The following SPAG16 variants were observed in gnomAD, a reference collection of about 807,000 sequenced individuals.
The protein encoded by SPAG16 is sperm associated antigen 16.
SPAG16 carries 86 observed loss-of-function variants against 80.4 expected under a neutral mutation model. The observed-to-expected ratio is 1.07, with a 90% CI of 0.90 to 1.28. The LOEUF is 1.28. SPAG16 is among the 50% of genes most tolerant of loss of function. The probability of loss-of-function intolerance (pLI) is 0.00; values close to 1 mark genes in which losing one functional copy is unlikely to be tolerated. For missense variants in SPAG16, 870 were observed against 765.3 expected, an observed-to-expected ratio of 1.14 and a Z score of -1.61; for synonymous variants, 294 against 265.9, an observed-to-expected ratio of 1.11 and a Z score of -1.03.
At chr2:213,421,892 G>A (rs2125440499) in intron 9 of SPAG16, among the ~76,000 whole-genome samples, 1 of 152,252 alleles carries the variant, frequency 6.6e-6, no homozygotes, top group East Asian at 1.9e-4. Flanking sequence ...TCTCTGTGGA[G>A]GGCTGGAAAC....
intron 10 of SPAG16, among the ~76,000 whole-genome samples, chr2:213,585,194 A>C (rs2060426780): frequency 6.6e-6 from 1 of 152,012 alleles, no homozygotes; most frequent in Admixed American, 6.6e-5. Context: ...CATCTCAAAA[A>C]AAAAAAAAAA....
chr2:213,327,570 TTAAAG>T (rs1303073077), intron 5 of SPAG16, among the ~76,000 whole-genome samples: 5 of 152,162 alleles, frequency 3.3e-5, no homozygotes, highest in African/African-American at 1.2e-4. Flanking sequence ...GCGTTATTTC[TTAAAG>T]TATTTTTAAC....
chr2:214,081,215 A>G (rs1289099445), intron 13 of SPAG16, among the ~76,000 whole-genome samples: 1 of 152,114 alleles, frequency 6.6e-6, no homozygotes, highest in Non-Finnish European at 1.5e-5. Context: ...ACATACTTCC[A>G]GAAGTAGGAT....
chr2:213,951,770 G>A (rs930991537), intron 12 of SPAG16, among the ~76,000 whole-genome samples: 16 of 152,196 alleles, frequency 1.1e-4, no homozygotes, highest in African/African-American at 3.9e-4. Context: ...ACTGGCTGAC[G>A]TTGAGTCACA....
chr2:213,740,270 G>C (rs1046776931), intron 10 of SPAG16, among the ~76,000 whole-genome samples: 1 of 152,096 alleles, frequency 6.6e-6, no homozygotes, highest in Non-Finnish European at 1.5e-5. Context: ...TCTATTCTGA[G>C]GTTTAAACAG....
rs145539569 is a variant in SPAG16 at position 213,622,489 on chromosome 2, C to T, written c.1070+132399C>T. 8.5e-5 allele frequency among the ~76,000 whole-genome samples: 13 copies of T among 152,312 alleles called. No homozygotes were observed. In the East Asian group the frequency reaches 2.5e-3, roughly 29 times the overall value. On this transcript the variant is annotated intron_variant, in intron 10 of 15. Transcript: ENST00000331683. ...GGATTTGAGAATGAGCTCCCATGGC[C>T]TCTGCTGCAGCACCCAATTAAAACC...
intron 12 of SPAG16, among the ~76,000 whole-genome samples, chr2:213,966,090 A>G (rs1188851084): frequency 6.6e-6 from 1 of 151,964 alleles, no homozygotes; most frequent in African/African-American, 2.4e-5. Flanking sequence ...CCTAGGGCAG[A>G]GGAAAATTGC....
chr2:213,919,795 ATATC>A (rs1336729216), intron 11 of SPAG16, among the ~76,000 whole-genome samples: 2 of 152,146 alleles, frequency 1.3e-5, no homozygotes, highest in African/African-American at 4.8e-5. Flanking sequence ...AGTTCTGTAG[ATATC>A]TATCAGGTCC....
chr2:213,463,158 T>C (rs1445980254), intron 9 of SPAG16, among the ~76,000 whole-genome samples: 2 of 152,198 alleles, frequency 1.3e-5, no homozygotes, highest in African/African-American at 4.8e-5. Flanking sequence ...TAGAGATCTG[T>C]GGAACTTTGA....
intron 10 of SPAG16, among the ~76,000 whole-genome samples, chr2:213,594,384 C>T (rs2060814395): frequency 6.6e-6 from 1 of 152,132 alleles, no homozygotes; most frequent in Non-Finnish European, 1.5e-5. Context: ...TCCTCTGTGA[C>T]GTTAAGTTGG....
intron 9 of SPAG16, among the ~76,000 whole-genome samples, chr2:213,419,291 G>A (rs2069450895): frequency 6.6e-6 from 1 of 151,872 alleles, no homozygotes; most frequent in African/African-American, 2.4e-5. Context: ...TCATTTCTCA[G>A]GACCTTATGT....
At chr2:213,293,494 G>A (rs2062378914) in intron 1 of SPAG16, among the ~76,000 whole-genome samples, 1 of 152,198 alleles carries the variant, frequency 6.6e-6, no homozygotes, top group Admixed American at 6.5e-5. Flanking sequence ...TTCTTGGACT[G>A]CTTATTCTGG....
intron 11 of SPAG16, among the ~76,000 whole-genome samples, chr2:213,908,114 T>G (rs1005936337): frequency 6.6e-6 from 1 of 152,200 alleles, no homozygotes; most frequent in Admixed American, 6.5e-5. Context: ...AGTATCACTC[T>G]GTAGCACATA....
intron 14 of SPAG16, among the ~76,000 whole-genome samples, chr2:214,109,517 T>C (rs2053561211): frequency 6.6e-6 from 1 of 152,180 alleles, no homozygotes; most frequent in Non-Finnish European, 1.5e-5. Flanking sequence ...ATCACAATGA[T>C]AGCATAGTCA....
At chr2:214,126,010 C>T (rs1450931532) in intron 14 of SPAG16, among the ~76,000 whole-genome samples, 2 of 7,944 alleles carry the variant, frequency 2.5e-4, no homozygotes, top group African/African-American at 3.8e-4. Flanking sequence ...TTCCTTCCTT[C>T]CTTCCTTCCT....
chr2:213,351,297 T>G (rs2065313560), intron 7 of SPAG16, among the ~76,000 whole-genome samples: 2 of 152,130 alleles, frequency 1.3e-5, no homozygotes, highest in African/African-American at 4.8e-5. Context: ...GGAGAGTCAT[T>G]TAAACAAATT....
intron 13 of SPAG16, among the ~76,000 whole-genome samples, chr2:214,085,390 AAAAGAAAG>A (rs547284490): frequency 1.3e-4 from 19 of 150,034 alleles, no homozygotes; most frequent in Non-Finnish European, 2.4e-4. Flanking sequence ...AAAAAAAAAA[AAAAGAAAG>A]AAAGAAAGAA....
chr2:213,813,575 A>G (rs1212843477), intron 10 of SPAG16, among the ~76,000 whole-genome samples: 2 of 152,120 alleles, frequency 1.3e-5, no homozygotes, highest in Non-Finnish European at 2.9e-5. Flanking sequence ...GGTCCAGGGG[A>G]AAGGTCTGCT....
intron 15 of SPAG16, among the ~76,000 whole-genome samples, chr2:214,257,519 T>G (rs1401794598): frequency 1.3e-5 from 2 of 152,070 alleles, no homozygotes; most frequent in Non-Finnish European, 2.9e-5. Flanking sequence ...TCTTAATAGC[T>G]TCTCAATTTG....
Sources: gnomAD v4.1 joint callset for allele counts (sites outside exome capture counted in the v4.1 genomes callset) on GRCh38, gnomAD v4.1.1 for gene constraint, MANE v1.5 for transcripts, NCBI Gene and HGNC (gene_info 2026-07-23, HGNC 2026-07-21) for gene names.